NKAIN3: variants seen among roughly 807,000 people sequenced by gnomAD.
The protein encoded by NKAIN3 is sodium/potassium transporting ATPase interacting 3, also known as sodium/potassium-transporting ATPase subunit beta-1-interacting protein 3.
A neutral mutation model predicts 30.2 loss-of-function variants in NKAIN3; 25 were observed. That is an observed-to-expected ratio of 0.83 (90% CI 0.60 to 1.16). NKAIN3 has a LOEUF of 1.16. Ranked by LOEUF, NKAIN3 falls within the 50% of genes most tolerant of loss-of-function variation. The pLI is 0.00. For synonymous variants in NKAIN3, 91 were observed against 89.6 expected (o/e 1.02, Z -0.09); for missense variants, 225 against 254.1 (o/e 0.89, Z 0.78).
chr8:62,630,346 T>TA (rs1186693011), intron 3 of NKAIN3, among the ~76,000 whole-genome samples: 1 of 151,988 alleles, frequency 6.6e-6, no homozygotes, highest in African/African-American at 2.4e-5. Flanking sequence ...TGAACACAAA[T>TA]AATGCTCTGC....
chr8:62,814,167 C>A (rs144159279), intron 4 of NKAIN3, among the ~76,000 whole-genome samples: 42 of 152,128 alleles, frequency 2.8e-4, no homozygotes, highest in African/African-American at 9.9e-4. Context: ...CTTCCTATAT[C>A]TGGATCTTCA....
rs71255341 is a variant in NKAIN3 at position 62,506,476 on chromosome 8, C to CT, written c.55-73047dup. Among the ~76,000 whole-genome samples, 285 of 98,454 alleles carry CT rather than the reference C, an allele frequency of 2.9e-3. 6 individuals carry two copies. The highest frequency in any genetic ancestry group is 7.8e-3 in the Middle Eastern group (1 of 128). The allele number at this position is 98,454 out of a possible 152,430, so 64.6% of individuals were successfully genotyped here. On this transcript the variant is annotated intron_variant, in intron 1 of 6. Coordinates refer to ENST00000623646, the MANE Select transcript of NKAIN3 (RefSeq NM_001304533.3). ...TCTGCTTTTTCTTTTTTCTTTCTTT[C>CT]TTTTTTTTTTTTTTTTGAGACAGAG...
chr8:62,417,224 T>G (rs1034504361), intron 1 of NKAIN3, among the ~76,000 whole-genome samples: 43 of 152,108 alleles, frequency 2.8e-4, no homozygotes, highest in African/African-American at 1.0e-3. Flanking sequence ...GAATGCAATG[T>G]TTTTCTTTCT....
intron 1 of NKAIN3, among the ~76,000 whole-genome samples, chr8:62,257,398 C>G (rs1384683): frequency 0.61 from 93,357 of 151,980 alleles, 28,854 homozygotes; most frequent in East Asian, 0.68. Context: ...ATATTCTTTA[C>G]GCTGAAACCT....
intron 1 of NKAIN3, among the ~76,000 whole-genome samples, chr8:62,465,976 C>T (rs766046467): frequency 6.6e-6 from 1 of 151,796 alleles, no homozygotes; most frequent in Non-Finnish European, 1.5e-5. Context: ...GAGCCAAGAT[C>T]GCGCACCACT....
intron 1 of NKAIN3, among the ~76,000 whole-genome samples, chr8:62,309,588 C>T (rs544151184): frequency 6.7e-6 from 1 of 150,274 alleles, no homozygotes; most frequent in African/African-American, 2.5e-5. Flanking sequence ...CAAATTATGG[C>T]TCTGTACTCT....
intron 4 of NKAIN3, among the ~76,000 whole-genome samples, chr8:62,786,675 T>C (rs1214334674): frequency 6.6e-6 from 1 of 152,164 alleles, no homozygotes; most frequent in Non-Finnish European, 1.5e-5. Context: ...CATTCGGTTA[T>C]CCTATTTACA....
chr8:62,608,050 A>G lies in NKAIN3; in HGVS notation c.273+18256A>G, dbSNP rs145691974. On this transcript the variant is annotated intron_variant, in intron 3 of 6. Transcript: ENST00000623646. ...GTTAAACTTTTAATATGAGAAACAA[A>G]TCAAGACTCCTTATGTGTGTCATTG... 1.5e-3 allele frequency among the ~76,000 whole-genome samples: 228 copies of G among 152,314 alleles called. 1 individual carries two copies. The highest frequency in any genetic ancestry group is 4.1e-3 in the African/African-American group (169 of 41,582).
chr8:62,463,436 T>A (rs1806058785), intron 1 of NKAIN3, among the ~76,000 whole-genome samples: 1 of 152,216 alleles, frequency 6.6e-6, no homozygotes, highest in South Asian at 2.1e-4. Flanking sequence ...TTAAGTCTTG[T>A]CGTGGAAGCT....
At chr8:62,869,218 A>G (rs561868510) in intron 4 of NKAIN3, among the ~76,000 whole-genome samples, 2 of 152,314 alleles carry the variant, frequency 1.3e-5, no homozygotes, top group South Asian at 2.1e-4. Flanking sequence ...ATAGGTATGC[A>G]TGTGCCATGG....
At chr8:62,638,339 A>C (rs1269337639) in intron 3 of NKAIN3, among the ~76,000 whole-genome samples, 1 of 152,150 alleles carries the variant, frequency 6.6e-6, no homozygotes, top group Non-Finnish European at 1.5e-5. Flanking sequence ...AGGGTTTCCT[A>C]ATCTGAGAAG....
intron 4 of NKAIN3, among the ~76,000 whole-genome samples, chr8:62,777,250 C>T (rs1585873): frequency 6.6e-6 from 1 of 152,102 alleles, no homozygotes; most frequent in East Asian, 1.9e-4. Context: ...TAGGTTTGGA[C>T]GTTCTTTGAT....
intron 4 of NKAIN3, among the ~76,000 whole-genome samples, chr8:62,850,144 A>C (rs181480375): frequency 3.3e-5 from 5 of 152,098 alleles, no homozygotes; most frequent in East Asian, 3.9e-4. Context: ...AATGATCGCC[A>C]TTCTAACTGG....
chr8:62,683,969 T>A (rs1393386829), intron 3 of NKAIN3, among the ~76,000 whole-genome samples: 1 of 152,118 alleles, frequency 6.6e-6, no homozygotes, highest in Non-Finnish European at 1.5e-5. Context: ...TTAGCTAGTC[T>A]CCCCAGTATT....
At chr8:62,368,467 T>C (rs941904289) in intron 1 of NKAIN3, among the ~76,000 whole-genome samples, 1 of 152,164 alleles carries the variant, frequency 6.6e-6, no homozygotes, top group African/African-American at 2.4e-5. Context: ...TTTTAATAAA[T>C]GGTGTTGGAA....
At position 62,568,319 on chromosome 8, in the gene NKAIN3, T is replaced by G. The variant is rs148412646; in HGVS notation, c.55-11220T>G. On this transcript the variant is annotated intron_variant, in intron 1 of 6. Transcript: ENST00000623646. The stretch of plus-strand genomic sequence containing the variant: ...TGATCATTCTGAGTATCTTCCTATA[T>G]CTAATAGGGATAGCATCAGATTAGA... 2.3e-3 allele frequency among the ~76,000 whole-genome samples: 344 copies of G among 152,340 alleles called. 2 individuals are homozygous for G. Among genetic ancestry groups the G allele is most frequent in the Non-Finnish European group, 3.4e-3 (229 of 68,036 alleles).
chr8:62,525,084 T>A (rs903938280), intron 1 of NKAIN3, among the ~76,000 whole-genome samples: 3 of 152,036 alleles, frequency 2.0e-5, no homozygotes, highest in Admixed American at 2.0e-4. Flanking sequence ...ATTTCTTCAA[T>A]TAGCAACAGC....
intron 1 of NKAIN3, among the ~76,000 whole-genome samples, chr8:62,442,112 A>T (rs1362861516): frequency 6.6e-6 from 1 of 152,028 alleles, no homozygotes; most frequent in Admixed American, 6.6e-5. Flanking sequence ...AATTTAATTA[A>T]TCTGGATTTT....
At chr8:62,748,779 GGAATTTC>G (rs2130587986) in intron 4 of NKAIN3, among the ~76,000 whole-genome samples, 1 of 152,242 alleles carries the variant, frequency 6.6e-6, no homozygotes, top group East Asian at 1.9e-4. Context: ...TTGATGGGAA[GGAATTTC>G]TTTTCAGACA....
Sources: allele counts gnomAD v4.1 joint callset (sites outside exome capture counted in the v4.1 genomes callset), GRCh38; gene constraint gnomAD v4.1.1; transcripts MANE v1.5; gene names NCBI Gene and HGNC (gene_info 2026-07-23, HGNC 2026-07-21).